Variants in FHOD3 observed in about 807,000 individuals in gnomAD.
The protein encoded by FHOD3 is formin homology 2 domain containing 3, also known as FH1/FH2 domain-containing protein 3.
In FHOD3, 90 loss-of-function variants were observed where a neutral mutation model predicts 173.0. That is an observed-to-expected ratio of 0.52 (90% CI 0.44 to 0.62). The LOEUF is 0.62. FHOD3 is among the 20% of genes least tolerant of loss of function. The pLI is 0.00. For synonymous variants in FHOD3, 828 were observed against 823.0 expected (o/e 1.01, Z -0.10); for missense variants, 1,945 against 2,034.7 (o/e 0.96, Z 0.85).
chr18:36,611,776 G>C (rs2032704642), intron 8 of FHOD3, among the ~76,000 whole-genome samples, 176 bp from the exon 9 acceptor site: 1 of 152,166 alleles, frequency 6.6e-6, no homozygotes, highest in Admixed American at 6.5e-5. Context: ...GAATATTGGG[G>C]TTCATTCTGC....
intron 3 of FHOD3, among the ~76,000 whole-genome samples, chr18:36,494,789 T>G (rs1448183695): frequency 6.6e-6 from 1 of 152,204 alleles, no homozygotes; most frequent in Non-Finnish European, 1.5e-5. Flanking sequence ...AGGCAAATCT[T>G]AATGACTCCA....
At chr18:36,526,289 C>G (rs2146714209) in intron 5 of FHOD3, among the ~76,000 whole-genome samples, 1 of 152,200 alleles carries the variant, frequency 6.6e-6, no homozygotes, top group African/African-American at 2.4e-5. Flanking sequence ...CTTTTTTTCC[C>G]CCCTCAATTT....
chr18:36,672,309 A>G (rs1410991053), intron 14 of FHOD3, among the ~76,000 whole-genome samples: 1 of 152,058 alleles, frequency 6.6e-6, no homozygotes, highest in Non-Finnish European at 1.5e-5. Flanking sequence ...TAAAACAACA[A>G]CCATGCATTT....
chr18:36,570,426 C>T (rs530229847), intron 5 of FHOD3, among the ~76,000 whole-genome samples: 1 of 152,180 alleles, frequency 6.6e-6, no homozygotes, highest in African/African-American at 2.4e-5. Flanking sequence ...AACAAAATAT[C>T]TCCAGCCCCA....
At chr18:36,737,486 C>T (rs186735171) in intron 20 of FHOD3, among the ~76,000 whole-genome samples, 91 of 152,298 alleles carry the variant, frequency 6.0e-4, no homozygotes, top group African/African-American at 1.7e-3. Context: ...AGGTGGGACA[C>T]GTGCCAGGTT....
rs531355616 is a variant in FHOD3, at chr18:36,409,133, C to A, written c.337+36389C>A. On this transcript the variant is annotated intron_variant, in intron 3 of 28. Transcript: ENST00000590592. ...TCCTTCCCTTTCCAGGAGGAGACCA[C>A]CAGAACCACCATCCTCTGCTAACCA... is the stretch of plus-strand genomic sequence containing the variant. 2.6e-5 allele frequency among the ~76,000 whole-genome samples: 4 copies of A among 152,226 alleles called. No individual in the cohort carries two copies. The South Asian group carries it at 8.3e-4, about 32-fold the overall frequency.
chr18:36,607,600 T>C (rs1448715427), intron 8 of FHOD3, among the ~76,000 whole-genome samples: 1 of 152,246 alleles, frequency 6.6e-6, no homozygotes, highest in Non-Finnish European at 1.5e-5. Flanking sequence ...ACTCTTTACA[T>C]GGCCAAGCTG....
At chr18:36,652,507 C>CCTTTG in intron 11 of FHOD3, 63 bp from the exon 12 acceptor site, 1 of 1,472,436 alleles carries the variant, frequency 6.8e-7, no homozygotes, top group Non-Finnish European at 9.0e-7. Flanking sequence ...TTTTTCCTAA[C>CCTTTG]CTTTGCTCCT....
intron 9 of FHOD3, among the ~76,000 whole-genome samples, chr18:36,614,564 A>G (rs2033013066): frequency 6.6e-6 from 1 of 152,148 alleles, no homozygotes; most frequent in South Asian, 2.1e-4. Flanking sequence ...CTGATTGAGG[A>G]ATTGCTGGAT....
At chr18:36,454,920 T>G (rs532204857) in intron 3 of FHOD3, among the ~76,000 whole-genome samples, 1 of 152,352 alleles carries the variant, frequency 6.6e-6, no homozygotes, top group South Asian at 2.1e-4. Context: ...ATAACTGACT[T>G]GCTGCTTTTG....
At chr18:36,735,667 A>G (rs1428202809) in intron 20 of FHOD3, among the ~76,000 whole-genome samples, 1 of 152,168 alleles carries the variant, frequency 6.6e-6, no homozygotes, top group Non-Finnish European at 1.5e-5. Context: ...TTGCTACAGG[A>G]AAGTAACTAC....
At position 36,521,249 on chromosome 18, in the gene FHOD3, C is replaced by T. The variant is rs531964807; in HGVS notation, c.511+8706C>T. Among the ~76,000 whole-genome samples the T allele has an allele frequency of 3.2e-4, 48 of 152,222 alleles. 1 individual carries two copies. Among genetic ancestry groups the T allele is most frequent in the South Asian group, 2.3e-3 (11 of 4,828 alleles). ...CACGCCTTTTCTAACCCTGTGATTT[C>T]CCCTGCCATTAATGTGCCCAAGACC... On this transcript the variant is annotated intron_variant, in intron 5 of 28. Coordinates refer to ENST00000590592, the MANE Select transcript of FHOD3 (RefSeq NM_001281740.3).
At chr18:36,468,723 A>G (rs1016830760) in intron 3 of FHOD3, among the ~76,000 whole-genome samples, 4 of 152,006 alleles carry the variant, frequency 2.6e-5, no homozygotes, top group Admixed American at 6.5e-5. Context: ...GCTCAGTCCA[A>G]CCCCAGATCT....
intron 5 of FHOD3, among the ~76,000 whole-genome samples, chr18:36,567,186 C>T (rs368107334): frequency 6.6e-6 from 1 of 152,110 alleles, no homozygotes; most frequent in East Asian, 1.9e-4. Context: ...AGCAAAGCAT[C>T]TGGGAGTTAG....
chr18:36,758,736 TA>T (rs2042738033), intron 25 of FHOD3, among the ~76,000 whole-genome samples: 1 of 152,168 alleles, frequency 6.6e-6, no homozygotes, highest in Non-Finnish European at 1.5e-5. Context: ...GATGGGTTCA[TA>T]AGGATGTGGC....
intron 4 of FHOD3, 140 bp from the exon 5 acceptor site, chr18:36,512,298 T>C: frequency 1.5e-6 from 1 of 663,538 alleles, no homozygotes; most frequent in Non-Finnish European, 2.7e-6. Context: ...CAACAGTTGA[T>C]ATGCTTCATT....
At chr18:36,326,516 C>T (rs1407686980) in intron 1 of FHOD3, among the ~76,000 whole-genome samples, 1 of 152,114 alleles carries the variant, frequency 6.6e-6, no homozygotes, top group East Asian at 1.9e-4. Context: ...CCTTGTAATC[C>T]CAGCACTTTG....
At chr18:36,421,403 G>A (rs1055660289) in intron 3 of FHOD3, among the ~76,000 whole-genome samples, 1 of 152,130 alleles carries the variant, frequency 6.6e-6, no homozygotes, top group Non-Finnish European at 1.5e-5. Context: ...AAGTTAGTTG[G>A]CTCTGAAAAC....
chr18:36,720,624 C>A (rs1243539476), intron 19 of FHOD3, among the ~76,000 whole-genome samples: 1 of 152,124 alleles, frequency 6.6e-6, no homozygotes, highest in Non-Finnish European at 1.5e-5. Flanking sequence ...CTAGAAGTTA[C>A]CCATGACCTG....
Sources: gnomAD v4.1 joint callset for allele counts (sites outside exome capture counted in the v4.1 genomes callset) on GRCh38, gnomAD v4.1.1 for gene constraint, MANE v1.5 for transcripts, NCBI Gene and HGNC (gene_info 2026-07-23, HGNC 2026-07-21) for gene names.